Variants in PTPRO observed in about 807,000 individuals in gnomAD.
PTPRO encodes receptor-type tyrosine-protein phosphatase O.
In PTPRO, 62 loss-of-function variants were observed where a neutral mutation model predicts 145.2. The ratio of observed to expected loss-of-function variants is 0.43; its 90% CI spans 0.35 to 0.53. The LOEUF (loss-of-function observed/expected upper bound fraction) is 0.53, where lower values mean the gene tolerates loss of function less well. Ranked by LOEUF, PTPRO falls within the 20% of genes least tolerant of loss-of-function variation. The pLI is 0.01. For missense variants in PTPRO, 1,345 were observed against 1,482.7 expected, an observed-to-expected ratio of 0.91 and a Z score of 1.53; for synonymous variants, 565 against 514.7, an observed-to-expected ratio of 1.10 and a Z score of -1.32.
intron 1 of PTPRO, among the ~76,000 whole-genome samples, chr12:15,443,002 G>GCCCAAATAGT (rs1189147269): frequency 1.6e-4 from 25 of 152,072 alleles, no homozygotes; most frequent in African/African-American, 6.0e-4. Context: ...CCAAAAAAGA[G>GCCCAAATAGT]CCCAAATAGT....
rs551140036 is a variant in PTPRO at position 15,412,782 on chromosome 12, GTTTTGT to G, written c.76-71169_76-71164del. ...TGTATAGAGGCTTTTTGTTGTTGTT[GTTTTGT>G]TTTTGTTTTTGTTTTTGTTTTTTGA... On this transcript the variant is annotated intron_variant, in intron 1 of 26. Transcript: ENST00000281171. Among the ~76,000 whole-genome samples, 50 of 152,058 alleles carry G rather than the reference GTTTTGT, an allele frequency of 3.3e-4. No individual in the cohort carries two copies. In the Middle Eastern group the frequency reaches 0.01, roughly 31 times the overall value.
intron 1 of PTPRO, among the ~76,000 whole-genome samples, chr12:15,478,839 T>C (rs927616480): frequency 5.3e-5 from 8 of 151,940 alleles, no homozygotes; most frequent in Non-Finnish European, 1.2e-4. Context: ...GCCCGGGTAA[T>C]TTTTTGTATT....
chr12:15,353,338 T>C (rs568184529), intron 1 of PTPRO, among the ~76,000 whole-genome samples: 5 of 152,178 alleles, frequency 3.3e-5, no homozygotes, highest in Non-Finnish European at 7.4e-5. Context: ...AAGACACTTA[T>C]TATAAATTAT....
intron 1 of PTPRO, chr12:15,439,966 C>G: frequency 1.5e-6 from 1 of 686,238 alleles, no homozygotes; most frequent in Non-Finnish European, 2.7e-6. Context: ...AGGAGGTGGC[C>G]ACTGCCATCT....
intron 1 of PTPRO, among the ~76,000 whole-genome samples, chr12:15,360,906 ATATATACACACATG>A (rs1243219508): frequency 4.3e-5 from 6 of 140,380 alleles, no homozygotes; most frequent in Non-Finnish European, 7.8e-5. Context: ...ATACACACAC[ATATATACACACATG>A]TATATACACA....
chr12:15,507,434 TAAATAAATAAATA>T lies in PTPRO; in HGVS notation c.1268-1134_1268-1122del, dbSNP rs1468680047. Among the ~76,000 whole-genome samples the T allele has an allele frequency of 1.5e-4, 16 of 103,566 alleles. No homozygotes were observed. The South Asian group carries it at 1.8e-3, about 12-fold the overall frequency. 67.9% of individuals were successfully genotyped at this position (103,566 alleles called of 152,430 possible). On this transcript the variant is annotated intron_variant, in intron 6 of 26. Coordinates refer to ENST00000281171, the MANE Select transcript of PTPRO (RefSeq NM_030667.3). ...CAAAATAAATAAATAAATAAATAAA[TAAATAAATAAATA>T]AATAAGGAATGAAATACGTAACACA...
At chr12:15,453,821 T>C (rs536664670) in intron 1 of PTPRO, among the ~76,000 whole-genome samples, 28 of 152,320 alleles carry the variant, frequency 1.8e-4, no homozygotes, top group Non-Finnish European at 1.9e-4. Flanking sequence ...ATAAGGGGAA[T>C]CATGCAATAT....
chr12:15,380,184 G>T lies in PTPRO; in HGVS notation c.75+57383G>T, dbSNP rs571516276. On this transcript the variant is annotated intron_variant, in intron 1 of 26. Coordinates refer to ENST00000281171, the MANE Select transcript of PTPRO (RefSeq NM_030667.3). ...ATGGAGGAAATAATACATCACAGGGGTTTTGAGAGAATGTATTAAGTAATG... is the reference window on the plus strand; with the variant it reads ...ATGGAGGAAATAATACATCACAGGGTTTTTGAGAGAATGTATTAAGTAATG... Among the ~76,000 whole-genome samples, 56 of 152,168 alleles carry T rather than the reference G, an allele frequency of 3.7e-4. No homozygotes were observed. In the South Asian group the frequency reaches 0.011, roughly 30 times the overall value.
intron 1 of PTPRO, among the ~76,000 whole-genome samples, chr12:15,354,097 C>T (rs868177269): frequency 2.0e-5 from 3 of 152,054 alleles, no homozygotes; most frequent in Middle Eastern, 3.2e-3. Flanking sequence ...TGGTCCTCCT[C>T]AAATAGGGCA....
At chr12:15,532,089 G>T (rs1942973665) in intron 12 of PTPRO, among the ~76,000 whole-genome samples, 1 of 152,044 alleles carries the variant, frequency 6.6e-6, no homozygotes, top group Non-Finnish European at 1.5e-5. Context: ...CATTTCTCCA[G>T]AACTCAATGC....
At position 15,520,239 on chromosome 12, in the gene PTPRO, C is replaced by A. The variant is rs1324371195; in HGVS notation, c.1818C>A (p.Phe606Leu). The part of the protein sequence containing the change: ...ANLLPAWYYN[F>L]RVTMVTWGDP... ...TGCTGCCAGCATGGTACTACAACTT[C>A]CGGGTTACCATGGTGACGTGGGGAG... is the stretch of plus-strand genomic sequence containing the variant. Residue 606 changes from phenylalanine (F) to leucine (L), a missense_variant, in exon 10 of 27, where the codon TTC becomes TTA. By Grantham distance (22) the Phe-to-Leu change is conservative. Transcript: ENST00000281171. The A allele has an allele frequency of 6.2e-7, 1 of 1,613,806 alleles. No individual in the cohort carries two copies.
intron 7 of PTPRO, among the ~76,000 whole-genome samples, chr12:15,511,921 A>T (rs1411067046): frequency 6.6e-6 from 1 of 152,238 alleles, no homozygotes; most frequent in Non-Finnish European, 1.5e-5. Context: ...GTTAGAATCA[A>T]CTCATAAAAT....
In PTPRO at chr12:15,551,671, G is replaced by A. The variant is rs1427875609; in HGVS notation, c.2558G>A (p.Arg853Lys). The A allele has an allele frequency of 1.2e-6, 2 of 1,612,786 alleles. No individual in the cohort carries two copies. Among genetic ancestry groups the A allele is most frequent in the East Asian group, 2.2e-5 (1 of 44,822 alleles). ...AGGAAAAAGCATCTGCAGATGGCTA[G>A]GTAAGTTAAGTTTTACTAATATTTT... ...ILRKKHLQMARECGAGTFVNF... is the reference protein window; with the variant it reads ...ILRKKHLQMAKECGAGTFVNF... The change falls in exon 15 of 27, where the codon AGG becomes AAG. Residue 853 changes from arginine (R) to lysine (K), a missense_variant and splice_region_variant. Transcript: ENST00000281171.
chr12:15,404,784 C>G (rs1939601734), intron 1 of PTPRO, among the ~76,000 whole-genome samples: 1 of 152,172 alleles, frequency 6.6e-6, no homozygotes, highest in African/African-American at 2.4e-5. Flanking sequence ...GGAGAAGCAC[C>G]TTATCTCAAC....
intron 1 of PTPRO, among the ~76,000 whole-genome samples, chr12:15,424,169 A>C (rs767620210): frequency 2.6e-5 from 4 of 152,172 alleles, no homozygotes; most frequent in Non-Finnish European, 5.9e-5. Flanking sequence ...TTTTCAGTGA[A>C]ATCTATTCTT....
intron 25 of PTPRO, among the ~76,000 whole-genome samples, chr12:15,593,416 T>TA (rs1324615889): frequency 6.6e-6 from 1 of 152,238 alleles, no homozygotes; most frequent in Non-Finnish European, 1.5e-5. Flanking sequence ...AAATTACCCT[T>TA]ACTTCTTGGC....
At chr12:15,427,811 G>T (rs988101863) in intron 1 of PTPRO, among the ~76,000 whole-genome samples, 2 of 120,258 alleles carry the variant, frequency 1.7e-5, no homozygotes, top group African/African-American at 5.2e-5. Context: ...ATTTGTTCTT[G>T]CTTTATGACT....
intron 25 of PTPRO, among the ~76,000 whole-genome samples, chr12:15,594,128 T>G (rs775520868): frequency 3.9e-5 from 6 of 152,142 alleles, no homozygotes; most frequent in Non-Finnish European, 7.4e-5. Context: ...ATATTTTTCT[T>G]TTCCAGTTTG....
chr12:15,338,925 T>TTTA (rs1312847927), intron 1 of PTPRO, among the ~76,000 whole-genome samples: 2 of 152,136 alleles, frequency 1.3e-5, no homozygotes, highest in African/African-American at 4.8e-5. Flanking sequence ...GTGTTCCTCA[T>TTTA]TTTAAGAGTA....
Sources: gnomAD v4.1 joint callset for allele counts (sites outside exome capture counted in the v4.1 genomes callset) on GRCh38, gnomAD v4.1.1 for gene constraint, MANE v1.5 for transcripts, NCBI Gene and HGNC (gene_info 2026-07-23, HGNC 2026-07-21) for gene names.